Variants in AK7 observed in about 807,000 individuals in gnomAD.
AK7 encodes the protein ATP-AMP transphosphorylase 7.
A neutral mutation model predicts 96.6 loss-of-function variants in AK7; 78 were observed. The observed-to-expected ratio is 0.81, with a 90% CI of 0.67 to 0.97. The LOEUF is 0.97. Ranked by LOEUF, AK7 falls within the 50% of genes least tolerant of loss-of-function variation. AK7 has a pLI of 0.00. For synonymous variants in AK7, 302 were observed against 317.2 expected (o/e 0.95, Z 0.51); for missense variants, 855 against 887.9 (o/e 0.96, Z 0.47).
In AK7 at chr14:96,392,145, G is replaced by C. The variant is rs544887722; in HGVS notation, c.-10G>C. 1 of 1,607,456 alleles carries C rather than the reference G, an allele frequency of 6.2e-7. No individual in the cohort carries two copies. Among genetic ancestry groups the C allele is most frequent in the Non-Finnish European group, 8.5e-7 (1 of 1,174,260 alleles). On this transcript the variant is annotated 5_prime_UTR_variant, in exon 1 of 18. Transcript: ENST00000267584. ...GCGCTTTCACCTTAGCAACCAGCGC[G>C]GCTCCCACCATGGCTGAAGAAGAGG...
chr14:96,427,813 T>C (rs1892116534), intron 5 of AK7, among the ~76,000 whole-genome samples: 1 of 152,176 alleles, frequency 6.6e-6, no homozygotes, highest in African/African-American at 2.4e-5. Context: ...GTTTTTCTTT[T>C]TTTGTCTCCT....
chr14:96,401,926 C>A (rs1890432675), intron 2 of AK7, among the ~76,000 whole-genome samples: 1 of 152,126 alleles, frequency 6.6e-6, no homozygotes, highest in African/African-American at 2.4e-5. Context: ...ACATTTGGGT[C>A]TTCTGTGTCT....
chr14:96,415,566 G>A (rs964940917), intron 4 of AK7, among the ~76,000 whole-genome samples: 23 of 151,994 alleles, frequency 1.5e-4, no homozygotes, highest in Non-Finnish European at 2.5e-4. Flanking sequence ...GGAGCCACCC[G>A]ACTTAGGAAC....
At chr14:96,479,118 C>T (rs1420668791) in intron 15 of AK7, among the ~76,000 whole-genome samples, 1 of 151,890 alleles carries the variant, frequency 6.6e-6, no homozygotes, top group Non-Finnish European at 1.5e-5. Context: ...GCTCTATTGC[C>T]CAGGCTGGAG....
At chr14:96,438,021 T>C in intron 6 of AK7, 106 bp downstream of exon 6, 1 of 895,094 alleles carries the variant, frequency 1.1e-6, no homozygotes, top group Non-Finnish European at 1.7e-6. Flanking sequence ...TGCAGTAGAA[T>C]AGCAGAAGAT....
At chr14:96,456,747 C>A (rs1423207588) in intron 11 of AK7, 2 of 309,288 alleles carry the variant, frequency 6.5e-6, no homozygotes, top group East Asian at 7.4e-5. Context: ...CTTTGGCACC[C>A]GCAATGAACA....
At position 96,395,018 on chromosome 14, in the gene AK7, C is replaced by T. The variant is rs573728362; in HGVS notation, c.105+2759C>T. ...TAGAGAAGACAGTCGAAACTCTGCA[C>T]ATAACTCTTATTTATTTATGTATGT... On this transcript the variant is annotated intron_variant, in intron 1 of 17. Coordinates refer to ENST00000267584, the MANE Select transcript of AK7 (RefSeq NM_152327.5). Among the ~76,000 whole-genome samples, 27 of 152,130 alleles carry T rather than the reference C, an allele frequency of 1.8e-4. No homozygotes were observed. In the South Asian group the frequency reaches 5.4e-3, roughly 30 times the overall value.
intron 5 of AK7, among the ~76,000 whole-genome samples, chr14:96,428,725 A>T (rs1308567932): frequency 6.6e-6 from 1 of 152,044 alleles, no homozygotes; most frequent in East Asian, 1.9e-4. Flanking sequence ...GATGATGAGC[A>T]TTTTTTCATG....
At chr14:96,458,324 C>A in intron 12 of AK7, 112 bp downstream of exon 12, 1 of 1,380,194 alleles carries the variant, frequency 7.2e-7, no homozygotes, top group South Asian at 1.5e-5. Flanking sequence ...AGGCGGGCGC[C>A]ATGGCTCATG....
At chr14:96,402,655 A>G (rs1890482051) in intron 2 of AK7, among the ~76,000 whole-genome samples, 2 of 152,138 alleles carry the variant, frequency 1.3e-5, no homozygotes, top group African/African-American at 4.8e-5. Flanking sequence ...CAATGTTTGG[A>G]TCAAAATTGT....
intron 1 of AK7, 28 bp downstream of exon 1, chr14:96,392,287 C>T: frequency 6.3e-7 from 1 of 1,575,338 alleles, no homozygotes; most frequent in Non-Finnish European, 8.7e-7. Flanking sequence ...CCCAGAGCCT[C>T]ACGCCAGCTC....
intron 4 of AK7, among the ~76,000 whole-genome samples, chr14:96,416,790 G>A (rs771215275): frequency 7.9e-5 from 12 of 152,194 alleles, no homozygotes; most frequent in Non-Finnish European, 1.6e-4. Flanking sequence ...ACACAGCCTA[G>A]CAACTGGTCG....
intron 3 of AK7, among the ~76,000 whole-genome samples, chr14:96,407,635 G>A (rs1405821385): frequency 7.0e-6 from 1 of 142,702 alleles, no homozygotes; most frequent in Non-Finnish European, 1.5e-5. Flanking sequence ...AGGCTGGAGT[G>A]CAGTGGCGCA....
rs11449244 is a variant in AK7 at position 96,419,784 on chromosome 14, C to CTTTTT, written c.499-1034_499-1033insTTTTT. Among the ~76,000 whole-genome samples, 752 of 101,604 alleles carry CTTTTT rather than the reference C, an allele frequency of 7.4e-3. 24 individuals carry two copies. Among genetic ancestry groups the CTTTTT allele is most frequent in the East Asian group, 0.013 (44 of 3,402 alleles). 66.7% of individuals were successfully genotyped at this position (101,604 alleles called of 152,430 possible). A position where few individuals can be genotyped will look rare whatever the true frequency, so the allele number is the denominator to read the frequency against. On this transcript the variant is annotated intron_variant, in intron 4 of 17. Coordinates refer to ENST00000267584, the MANE Select transcript of AK7 (RefSeq NM_152327.5). ...TCTCCTAAAGCATTTTTTTTTCTTT[C>CTTTTT]TTTTCTTTTTTTTTTTTTTTTGAGA...
rs915632806 is a variant in AK7, at chr14:96,399,563, G to A, written c.294+1300G>A. ...TTGCAGGTCTCACCCCTTCACCCCC[G>A]CCATTCACTGGTCTATCCAATGCTG... On this transcript the variant is annotated intron_variant, in intron 2 of 17. Transcript: ENST00000267584. This position sits in a 1 kb window ranked among gnomAD's most constrained non-coding sequence, Gnocchi z 4.1. 1.3e-5 allele frequency among the ~76,000 whole-genome samples: 2 copies of A among 152,224 alleles called. No individual in the cohort carries two copies. The highest frequency in any genetic ancestry group is 2.1e-4 in the South Asian group (1 of 4,820).
chr14:96,470,953 G>A (rs2140154249), intron 12 of AK7, among the ~76,000 whole-genome samples: 1 of 152,274 alleles, frequency 6.6e-6, no homozygotes, highest in South Asian at 2.1e-4. Context: ...GCAGACATCG[G>A]CACTCGCCCA....
In AK7 at chr14:96,403,874, G is replaced by A. The variant is rs183798090; in HGVS notation, c.295-883G>A. Among the ~76,000 whole-genome samples the A allele has an allele frequency of 4.6e-5, 7 of 152,282 alleles. No individual in the cohort carries two copies. In the East Asian group the frequency reaches 1.4e-3, roughly 29 times the overall value. ...AACACAATGATCAACAGCTGGAACCGAGATTCACGCCTGTAATCCCAACCT... is the reference window on the plus strand; with the variant it reads ...AACACAATGATCAACAGCTGGAACCAAGATTCACGCCTGTAATCCCAACCT... On this transcript the variant is annotated intron_variant, in intron 2 of 17. Transcript: ENST00000267584.
chr14:96,445,614 A>G (rs1201249960), intron 7 of AK7, among the ~76,000 whole-genome samples: 3 of 152,090 alleles, frequency 2.0e-5, no homozygotes, highest in African/African-American at 4.8e-5. Context: ...GAACCGTGAT[A>G]ACACCACTGC....
intron 16 of AK7, among the ~76,000 whole-genome samples, chr14:96,484,402 C>T (rs1224212862): frequency 6.6e-6 from 1 of 152,198 alleles, no homozygotes; most frequent in Non-Finnish European, 1.5e-5. Context: ...TACGCAGCTG[C>T]CAGGTGATCC....
Sources: gnomAD v4.1 joint callset for allele counts (sites outside exome capture counted in the v4.1 genomes callset) on GRCh38, gnomAD v4.1.1 for gene constraint, Gnocchi (gnomAD v3.1) non-coding constraint, MANE v1.5 for transcripts, NCBI Gene and HGNC (gene_info 2026-07-23, HGNC 2026-07-21) for gene names.